Variants in EMC1 observed in about 807,000 individuals in gnomAD.
EMC1 encodes KIAA0090.
In EMC1, 103 loss-of-function variants were observed where a neutral mutation model predicts 128.8. The ratio of observed to expected loss-of-function variants is 0.80; its 90% CI spans 0.68 to 0.94. EMC1 has a LOEUF of 0.94. EMC1 is among the 40% of genes least tolerant of loss of function. EMC1 has a pLI of 0.00. For missense variants in EMC1, 1,083 were observed against 1,250.6 expected, an observed-to-expected ratio of 0.87 and a Z score of 2.02; for synonymous variants, 442 against 490.4, an observed-to-expected ratio of 0.90 and a Z score of 1.30.
rs146639191 is a variant in EMC1, at chr1:19,226,100, A to T, written c.2202+1213T>A. On this transcript the variant is annotated intron_variant, in intron 18 of 22. Transcript: ENST00000477853. ...TTTACCGTCAAGTTCCGTGATCTCT[A>T]TTCTATGACACCCCCTCCAATTCAG... Among the ~76,000 whole-genome samples the T allele has an allele frequency of 2.6e-3, 403 of 152,268 alleles. 2 individuals carry two copies. The highest frequency in any genetic ancestry group is 8.6e-3 in the African/African-American group (356 of 41,542).
chr1:19,245,627 C>CTTTTTTTTTTTT (rs539316345), intron 1 of EMC1, among the ~76,000 whole-genome samples: 1,296 of 122,930 alleles, frequency 0.011, 142 homozygotes, highest in African/African-American at 0.041. Flanking sequence ...CCTTACCTTT[C>CTTTTTTTTTTTT]TTTTTTTTTT....
intron 16 of EMC1, 78 bp from the exon 17 acceptor site, chr1:19,231,041 A>G (rs2093517449): frequency 6.4e-7 from 1 of 1,559,428 alleles, no homozygotes; most frequent in Non-Finnish European, 8.8e-7. Flanking sequence ...AAAACTGCAA[A>G]TCAGTTGATT....
chr1:19,222,781 G>C lies in EMC1; in HGVS notation c.2430C>G (p.Leu810=). ...CGTTGTATTGCTCAGTGCCCTCATAGAGCTCCAGTACGGTAAACTCGTTGC... is the reference window on the plus strand; with the variant it reads ...CGTTGTATTGCTCAGTGCCCTCATACAGCTCCAGTACGGTAAACTCGTTGC... The part of the protein sequence containing the change: ...ARRNEFTVLE[L]YEGTEQYNAT... The change falls in exon 20 of 23, where the codon CTC becomes CTG. Residue 810 remains leucine (L), a synonymous_variant. Transcript: ENST00000477853. The C allele has an allele frequency of 2.5e-6, 4 of 1,614,158 alleles. No homozygotes were observed. The highest frequency in any genetic ancestry group is 3.4e-6 in the Non-Finnish European group (4 of 1,180,008).
At chr1:19,233,692 A>G (rs971841917) in intron 13 of EMC1, among the ~76,000 whole-genome samples, 1 of 152,166 alleles carries the variant, frequency 6.6e-6, no homozygotes, top group African/African-American at 2.4e-5. Flanking sequence ...CTGCCCTCCA[A>G]ATCTCCTCCA....
rs2093401646 is a variant in EMC1 at position 19,217,177 on chromosome 1, CG to C, written c.*2125del. Reference sequence around the variant, plus strand: ...GAGACTGAGTGTAGCTGCTCAGAACCGAATGCTGCTTTAAGATTAAGGAAAG... The same window carrying C: ...GAGACTGAGTGTAGCTGCTCAGAACCAATGCTGCTTTAAGATTAAGGAAAG... On this transcript the variant is annotated 3_prime_UTR_variant, in exon 23 of 23. Transcript: ENST00000477853. The C allele has an allele frequency of 6.6e-6, 1 of 152,090 alleles. No homozygotes were observed. Among genetic ancestry groups the C allele is most frequent in the South Asian group, 2.1e-4 (1 of 4,822 alleles). 9.4% of individuals were successfully genotyped at this position (152,090 alleles called of 1,614,324 possible). A position where few individuals can be genotyped will look rare whatever the true frequency, so the allele number is the denominator to read the frequency against.
intron 17 of EMC1, among the ~76,000 whole-genome samples, chr1:19,227,911 A>C (rs978577953): frequency 6.6e-6 from 1 of 152,126 alleles, no homozygotes; most frequent in Non-Finnish European, 1.5e-5. Flanking sequence ...CGGTTTGATT[A>C]AGATAGATAC....
chr1:19,239,272 C>T lies in EMC1; in HGVS notation c.985G>A (p.Glu329Lys), dbSNP rs756891752. The change falls in exon 9 of 23, where the codon GAG becomes AAG. Residue 329 changes from glutamate to lysine, a missense_variant. Around this residue, in one of 3 missense-constraint regions of EMC1, gnomAD observed 544 missense variants for 572.4 expected, o/e 0.95. Coordinates refer to ENST00000477853, the MANE Select transcript of EMC1 (RefSeq NM_015047.3). ...TALVSFATTG[E>K]KTVAAVMACR... The stretch of plus-strand genomic sequence containing the variant: ...GCCATGACTGCAGCCACCGTCTTCT[C>T]CCCAGTGGTGGCAAAGCTCACTAGG... 3.7e-6 allele frequency: 6 copies of T among 1,614,010 alleles called. No individual in the cohort carries two copies. The highest frequency in any genetic ancestry group is 1.3e-5 in the African/African-American group (1 of 74,916).
intron 17 of EMC1, among the ~76,000 whole-genome samples, chr1:19,229,972 C>T (rs981188420): frequency 2.6e-4 from 40 of 152,208 alleles, no homozygotes; most frequent in African/African-American, 9.2e-4. Context: ...GATGGGAGAG[C>T]TGTTTGTGAG....
chr1:19,227,638 G>C (rs1052510449), intron 17 of EMC1, among the ~76,000 whole-genome samples, 188 bp from the exon 18 acceptor site: 5 of 151,614 alleles, frequency 3.3e-5, no homozygotes, highest in African/African-American at 1.2e-4. Context: ...AGGCCAAGGC[G>C]GGCGGATCAC....
rs1311747538 is a variant in EMC1, at chr1:19,222,536, G to C, written c.2587+88C>G. The C allele has an allele frequency of 7.6e-6, 9 of 1,187,994 alleles. No individual in the cohort carries two copies. The Admixed American group carries it at 1.3e-4, about 18-fold the overall frequency. 73.6% of individuals were successfully genotyped at this position (1,187,994 alleles called of 1,614,324 possible). ...TTTCCCTTACAGGTGGTTCAACAAG[G>C]CTCTGCCAGCAATGTGTCCCTTGCT... On this transcript the variant is annotated intron_variant, in intron 20 of 22. Coordinates refer to ENST00000477853, the MANE Select transcript of EMC1 (RefSeq NM_015047.3).
rs1228057877 is a variant in EMC1, at chr1:19,218,683, GA to G, written c.*619del. The G allele has an allele frequency of 1.3e-5, 2 of 152,232 alleles. No individual in the cohort carries two copies. Among genetic ancestry groups the G allele is most frequent in the Admixed American group, 6.5e-5 (1 of 15,276 alleles). The allele number at this position is 152,232 out of a possible 1,614,324, so 9.4% of individuals were successfully genotyped here. On this transcript the variant is annotated 3_prime_UTR_variant, in exon 23 of 23. Transcript: ENST00000477853. ...GGCCCAGCCTAATAAATGACAGCACGAAACTAGAGGTTTAAAGTAAGTTTTG... is the reference window on the plus strand; with the variant it reads ...GGCCCAGCCTAATAAATGACAGCACGAACTAGAGGTTTAAAGTAAGTTTTG...
intron 2 of EMC1, chr1:19,244,490 C>T (rs1023003241): frequency 8.0e-6 from 2 of 249,284 alleles, no homozygotes; most frequent in East Asian, 2.1e-4. Context: ...CAGCTCACTG[C>T]AGCCTCAACC....
At chr1:19,240,724 T>G (rs2093600505) in intron 6 of EMC1, 1 of 573,188 alleles carries the variant, frequency 1.7e-6, no homozygotes, top group African/African-American at 1.9e-5. Flanking sequence ...CAGCACTTCT[T>G]TACTATATTT....
chr1:19,245,174 A>C, intron 1 of EMC1, 144 bp from the exon 2 acceptor site: 1 of 879,882 alleles, frequency 1.1e-6, no homozygotes. Flanking sequence ...GCAGTGGCTC[A>C]CACCTGTAAT....
intron 17 of EMC1, among the ~76,000 whole-genome samples, chr1:19,229,892 T>C (rs920666056): frequency 1.3e-5 from 2 of 152,154 alleles, no homozygotes; most frequent in Non-Finnish European, 2.9e-5. Flanking sequence ...AGTTAGTAAG[T>C]GACAAACCTA....
Position 19,222,849 on chromosome 1 carries a change from G to C in EMC1, c.2377-15C>G, listed in dbSNP as rs2073106. 434,920 of 1,586,130 alleles carry C rather than the reference G, an allele frequency of 0.27. 64,938 individuals are homozygous for C. The highest frequency in any genetic ancestry group is 0.69 in the East Asian group (30,580 of 44,324). ...CAGTACTGGTACTGCAGGGATAGGAGGTGGCAGCTCAGGGCTTAGCAGCTG... is the reference window on the plus strand; with the variant it reads ...CAGTACTGGTACTGCAGGGATAGGACGTGGCAGCTCAGGGCTTAGCAGCTG... On this transcript the variant is annotated splice_polypyrimidine_tract_variant and intron_variant, in intron 19 of 22. Transcript: ENST00000477853.
intron 13 of EMC1, chr1:19,234,074 C>A (rs1343716285): frequency 4.3e-5 from 19 of 443,964 alleles, no homozygotes; most frequent in Non-Finnish European, 5.7e-5. Flanking sequence ...ACACACACAC[C>A]CCAAGGATGT....
In EMC1 at chr1:19,219,358, G is replaced by A; in HGVS notation, c.2927C>T (p.Thr976Ile). The change falls in exon 23 of 23, where the codon ACC becomes ATC. Residue 976 changes from threonine to isoleucine, a missense_variant. Physicochemically the swap from Thr to Ile is moderately conservative, Grantham distance 89. Transcript: ENST00000477853. The part of the protein sequence containing the change: ...SSVLFGLVFA[T>I]MITKRLAQVK... ...CTGTGCCAGTCTCTTAGTGATCATGGTGGCAAAAACCAGGCCAAAGAGGAC... is the reference window on the plus strand; with the variant it reads ...CTGTGCCAGTCTCTTAGTGATCATGATGGCAAAAACCAGGCCAAAGAGGAC... The A allele has an allele frequency of 3.7e-6, 6 of 1,614,078 alleles. No individual in the cohort carries two copies. The highest frequency in any genetic ancestry group is 1.3e-5 in the African/African-American group (1 of 75,024).
intron 10 of EMC1, 59 bp from the exon 11 acceptor site, chr1:19,238,198 A>G: frequency 6.3e-7 from 1 of 1,586,302 alleles, no homozygotes. Flanking sequence ...AAGCCCACCA[A>G]AGGAAGTCCA....
Sources: allele counts gnomAD v4.1 joint callset (sites outside exome capture counted in the v4.1 genomes callset), GRCh38; gene constraint gnomAD v4.1.1; regional missense constraint gnomAD v4.1.1; transcripts MANE v1.5; gene names NCBI Gene and HGNC (gene_info 2026-07-23, HGNC 2026-07-21).